Variants in SNTG1 observed in about 807,000 individuals in gnomAD.
The protein encoded by SNTG1 is syntrophin gamma 1.
In SNTG1, 39 loss-of-function variants were observed where a neutral mutation model predicts 74.7. That is an observed-to-expected ratio of 0.52 (90% CI 0.40 to 0.68). SNTG1 has a LOEUF of 0.68. SNTG1 is among the 30% of genes least tolerant of loss of function. The pLI is 0.00. For missense variants in SNTG1, 685 were observed against 609.5 expected (o/e 1.12, Z -1.30); for synonymous variants, 254 against 217.1 (o/e 1.17, Z -1.49).
chr8:50,050,419 A>T (rs1819468899), intron 1 of SNTG1, among the ~76,000 whole-genome samples: 1 of 152,006 alleles, frequency 6.6e-6, no homozygotes, highest in African/African-American at 2.4e-5. Flanking sequence ...GAGAACCTGA[A>T]TAGGTTCTAT....
chr8:50,627,393 A>G (rs1220182057), intron 13 of SNTG1, among the ~76,000 whole-genome samples: 1 of 152,194 alleles, frequency 6.6e-6, no homozygotes, highest in African/African-American at 2.4e-5. Context: ...CTCATCTGTC[A>G]TGTGAGGACA....
intron 2 of SNTG1, among the ~76,000 whole-genome samples, chr8:50,319,568 T>A (rs1258571840): frequency 2.6e-5 from 4 of 152,166 alleles, no homozygotes; most frequent in African/African-American, 9.7e-5. Context: ...TATCTTTATC[T>A]TGTCTGATTA....
intron 1 of SNTG1, among the ~76,000 whole-genome samples, chr8:50,091,358 G>A: frequency 6.6e-6 from 1 of 151,886 alleles, no homozygotes; most frequent in Non-Finnish European, 1.5e-5. Context: ...ATATAATACA[G>A]TATTACTAAT....
At chr8:50,130,853 T>C (rs2131400490) in intron 1 of SNTG1, among the ~76,000 whole-genome samples, 1 of 152,206 alleles carries the variant, frequency 6.6e-6, no homozygotes, top group Middle Eastern at 3.4e-3. Flanking sequence ...TCCACATTAT[T>C]GGACAACAGT....
chr8:49,920,434 G>C (rs1452385161), intron 1 of SNTG1, among the ~76,000 whole-genome samples: 1 of 151,940 alleles, frequency 6.6e-6, no homozygotes, highest in Non-Finnish European at 1.5e-5. Flanking sequence ...TTGAGATTTA[G>C]GATCAATATT....
At chr8:50,605,885 A>G (rs1469682622) in intron 13 of SNTG1, among the ~76,000 whole-genome samples, 2 of 152,138 alleles carry the variant, frequency 1.3e-5, no homozygotes, top group Admixed American at 6.5e-5. Context: ...AACATCTGTC[A>G]TATTTTTGTC....
chr8:50,782,378 A>G (rs567311185), intron 18 of SNTG1, among the ~76,000 whole-genome samples: 1 of 152,238 alleles, frequency 6.6e-6, no homozygotes, highest in Admixed American at 6.5e-5. Context: ...ACATAGTCCC[A>G]CACTTCTTGG....
intron 2 of SNTG1, among the ~76,000 whole-genome samples, chr8:50,342,916 G>C (rs1007519688): frequency 6.6e-6 from 1 of 152,018 alleles, no homozygotes; most frequent in Admixed American, 6.6e-5. Flanking sequence ...TAGAGATATG[G>C]GGCCATCTGC....
chr8:50,570,447 C>T (rs970629494), intron 12 of SNTG1, among the ~76,000 whole-genome samples: 2 of 148,458 alleles, frequency 1.3e-5, no homozygotes, highest in South Asian at 4.2e-4. Flanking sequence ...TTGGCAGAGA[C>T]GGGGTTTCAC....
intron 2 of SNTG1, among the ~76,000 whole-genome samples, chr8:50,191,752 G>A (rs1345758716): frequency 2.6e-5 from 4 of 151,966 alleles, no homozygotes; most frequent in African/African-American, 4.8e-5. Flanking sequence ...AACAGGCCCC[G>A]GTGTGTGCTG....
At chr8:50,584,760 T>A (rs1250612619) in intron 12 of SNTG1, among the ~76,000 whole-genome samples, 6 of 152,126 alleles carry the variant, frequency 3.9e-5, no homozygotes, top group Admixed American at 3.9e-4. Context: ...TGCATTAGTG[T>A]GCCTGTAACA....
chr8:50,654,607 A>G (rs1363746269), intron 13 of SNTG1, among the ~76,000 whole-genome samples: 1 of 152,168 alleles, frequency 6.6e-6, no homozygotes, highest in Non-Finnish European at 1.5e-5. Flanking sequence ...TACTTCATGA[A>G]GTTTTATTTC....
At chr8:50,408,865 G>A (rs1330844733) in intron 4 of SNTG1, among the ~76,000 whole-genome samples, 1 of 152,156 alleles carries the variant, frequency 6.6e-6, no homozygotes, top group Non-Finnish European at 1.5e-5. Context: ...GAGAGGGCAG[G>A]ATATAGGATT....
intron 18 of SNTG1, among the ~76,000 whole-genome samples, chr8:50,761,633 T>A (rs1224165943): frequency 1.3e-5 from 2 of 151,896 alleles, no homozygotes; most frequent in African/African-American, 2.4e-5. Context: ...GTGGTTTTCT[T>A]TTTAATTATC....
chr8:50,390,311 G>A (rs1290775494), intron 2 of SNTG1, among the ~76,000 whole-genome samples: 2 of 152,164 alleles, frequency 1.3e-5, no homozygotes, highest in Non-Finnish European at 2.9e-5. Flanking sequence ...TAGCTAGCCA[G>A]TTTTCCCAAC....
In SNTG1 at chr8:50,796,664, G is replaced by A. The variant is rs1802824552; in HGVS notation, c.*3835G>A. 1.3e-5 allele frequency: 2 copies of A among 151,830 alleles called. No individual in the cohort carries two copies. The highest frequency in any genetic ancestry group is 4.8e-5 in the African/African-American group (2 of 41,372). The allele number at this position is 151,830 out of a possible 1,614,324, so 9.4% of individuals were successfully genotyped here. A position where few individuals can be genotyped will look rare whatever the true frequency, so the allele number is the denominator to read the frequency against. On this transcript the variant is annotated 3_prime_UTR_variant, in exon 19 of 19. Coordinates refer to ENST00000642720, the MANE Select transcript of SNTG1 (RefSeq NM_018967.5). ...ATACTTTTTTAAATGAAGCATACTG[G>A]AAAATAAAAACAAATACTTTTTACT...
intron 18 of SNTG1, among the ~76,000 whole-genome samples, chr8:50,770,108 C>T (rs771589797): frequency 2.6e-5 from 4 of 152,166 alleles, no homozygotes; most frequent in Non-Finnish European, 4.4e-5. Context: ...TGCCTATAAA[C>T]GCTGGAATGC....
intron 2 of SNTG1, among the ~76,000 whole-genome samples, chr8:50,174,553 A>G (rs1281150460): frequency 1.3e-5 from 2 of 152,190 alleles, no homozygotes; most frequent in African/African-American, 2.4e-5. Context: ...CCCCAAAGCA[A>G]AAATAACCCT....
intron 1 of SNTG1, among the ~76,000 whole-genome samples, chr8:49,982,270 T>C (rs1812749936): frequency 6.6e-6 from 1 of 152,098 alleles, no homozygotes; most frequent in Non-Finnish European, 1.5e-5. Flanking sequence ...ACTGCTCAGG[T>C]AGTTGGCATC....
Sources: gnomAD v4.1 joint callset for allele counts (sites outside exome capture counted in the v4.1 genomes callset) on GRCh38, gnomAD v4.1.1 for gene constraint, MANE v1.5 for transcripts, NCBI Gene and HGNC (gene_info 2026-07-23, HGNC 2026-07-21) for gene names.